ABI2: variants seen among roughly 807,000 people sequenced by gnomAD.
The protein encoded by ABI2 is abl interactor 2.
A neutral mutation model predicts 59.2 loss-of-function variants in ABI2; 25 were observed. The ratio of observed to expected loss-of-function variants is 0.42; its 90% CI spans 0.31 to 0.59. The LOEUF (loss-of-function observed/expected upper bound fraction) is 0.59. Among genes scored for constraint, ABI2 ranks in the 20% least tolerant of loss-of-function variants. The pLI is 0.14. For synonymous variants in ABI2, 213 were observed against 235.5 expected, an observed-to-expected ratio of 0.90 and a Z score of 0.87; for missense variants, 545 against 681.8, an observed-to-expected ratio of 0.80 and a Z score of 2.23.
chr2:203,370,914 T>A (rs2095115056), intron 2 of ABI2, among the ~76,000 whole-genome samples: 1 of 152,190 alleles, frequency 6.6e-6, no homozygotes, highest in Non-Finnish European at 1.5e-5. Flanking sequence ...TTTTCTCTAT[T>A]GCCTGGGTAA....
chr2:203,406,903 T>C (rs530041070), intron 9 of ABI2, among the ~76,000 whole-genome samples: 3 of 152,280 alleles, frequency 2.0e-5, no homozygotes, highest in African/African-American at 7.2e-5. Context: ...CCTCAAGTGA[T>C]CCAGTTCCAT....
At chr2:203,392,542 G>A (rs1232385102) in intron 5 of ABI2, among the ~76,000 whole-genome samples, 5 of 152,204 alleles carry the variant, frequency 3.3e-5, no homozygotes, top group Non-Finnish European at 7.3e-5. Context: ...CTTAGAGAGA[G>A]AGAAAATCTA....
chr2:203,331,692 C>G (rs1441107056), intron 1 of ABI2, among the ~76,000 whole-genome samples: 1 of 151,454 alleles, frequency 6.6e-6, no homozygotes, highest in Non-Finnish European at 1.5e-5. Context: ...ATGTCTTAGC[C>G]ACTAGCTCGA....
intron 5 of ABI2, among the ~76,000 whole-genome samples, chr2:203,392,625 G>A (rs888338494): frequency 6.6e-6 from 1 of 152,148 alleles, no homozygotes; most frequent in African/African-American, 2.4e-5. Flanking sequence ...GCCAGGGGTC[G>A]GGGTAGAGAG....
chr2:203,363,073 C>T (rs1017413152), intron 1 of ABI2, among the ~76,000 whole-genome samples: 16 of 152,076 alleles, frequency 1.1e-4, no homozygotes, highest in East Asian at 1.9e-4. Context: ...TCAAGTGATC[C>T]GCCTGCCTCG....
chr2:203,416,764 A>T, intron 10 of ABI2, 144 bp from the exon 11 acceptor site: 1 of 838,890 alleles, frequency 1.2e-6, no homozygotes, highest in Non-Finnish European at 1.7e-6. Flanking sequence ...TGGTGGGAAG[A>T]CTTATCTTGC....
At chr2:203,406,762 C>A (rs1464356353) in intron 9 of ABI2, among the ~76,000 whole-genome samples, 1 of 152,120 alleles carries the variant, frequency 6.6e-6, no homozygotes, top group Non-Finnish European at 1.5e-5. Context: ...CTCCTGGGTT[C>A]AAGCGATTCT....
chr2:203,337,870 A>C lies in ABI2; in HGVS notation c.117+9239A>C, dbSNP rs533869399. ...GCGTGGAGAAACCTCATCTCTACTA[A>C]AAATACAAAAATTATAGGGCATGCT... is the stretch of plus-strand genomic sequence containing the variant. On this transcript the variant is annotated intron_variant, in intron 1 of 11. Transcript: ENST00000261018. Among the ~76,000 whole-genome samples, 5 of 152,312 alleles carry C rather than the reference A, an allele frequency of 3.3e-5. No individual in the cohort carries two copies. In the South Asian group the frequency reaches 1.0e-3, roughly 32 times the overall value.
intron 2 of ABI2, among the ~76,000 whole-genome samples, chr2:203,373,975 A>G (rs927512229): frequency 6.6e-6 from 1 of 151,842 alleles, no homozygotes; most frequent in Non-Finnish European, 1.5e-5. Context: ...CCTAGCCAAC[A>G]TGGCAAAATT....
rs775475305 is a variant in ABI2, at chr2:203,351,710, A to C, written c.118-15167A>C. The C allele has an allele frequency of 1.0e-5, 3 of 299,968 alleles. No individual in the cohort carries two copies. The Admixed American group carries it at 1.4e-4, about 14-fold the overall frequency. 18.6% of individuals were successfully genotyped at this position (299,968 alleles called of 1,614,324 possible). A position where few individuals can be genotyped will look rare whatever the true frequency, so the allele number is the denominator to read the frequency against. Reference sequence around the variant, plus strand: ...GCTACTGTGCCCGGCTGATTTTCGTATTTTTTGTAGAGCCAGCATCTCACT... The same window carrying C: ...GCTACTGTGCCCGGCTGATTTTCGTCTTTTTTGTAGAGCCAGCATCTCACT... On this transcript the variant is annotated intron_variant, in intron 1 of 11. Transcript: ENST00000261018.
rs777548696 is a variant in ABI2, at chr2:203,394,712, CT to C, written c.592del (p.Tyr198IlefsTer32). ...GKGTLGRHSPYRTLEPVRPPV... is the reference protein window; with the variant it reads ...GKGTLGRHSPXRTLEPVRPPV... ...CTTCTTTTTGTAGGCGGCACTCCCC[CT>C]ATCGCACACTGGAGCCAGTGCGTCC... On this transcript the variant is annotated frameshift_variant, in exon 6 of 12. Coordinates refer to ENST00000261018, the MANE Select transcript of ABI2 (RefSeq NM_001375670.1). LOFTEE classifies it high-confidence loss of function. 8.7e-6 allele frequency: 14 copies of C among 1,614,006 alleles called. No individual in the cohort carries two copies. The highest frequency in any genetic ancestry group is 1.2e-5 in the Non-Finnish European group (14 of 1,179,990).
At chr2:203,397,027 C>T in intron 8 of ABI2, 60 bp downstream of exon 8, 1 of 1,301,562 alleles carries the variant, frequency 7.7e-7, no homozygotes, top group Non-Finnish European at 9.7e-7. Context: ...CTCTTACTTG[C>T]ACCTCTGATT....
chr2:203,376,955 ACT>A (rs1239898976), intron 2 of ABI2, among the ~76,000 whole-genome samples: 2 of 152,182 alleles, frequency 1.3e-5, no homozygotes, highest in Non-Finnish European at 2.9e-5. Flanking sequence ...ATAAAATATT[ACT>A]GTGTGTTAGT....
chr2:203,355,370 G>A (rs2091358579), intron 1 of ABI2: 1 of 204,352 alleles, frequency 4.9e-6, no homozygotes, highest in Admixed American at 4.5e-5. Context: ...AAATTAGCCA[G>A]GCGTGGTGGT....
chr2:203,355,523 A>G (rs1307422598), intron 1 of ABI2, among the ~76,000 whole-genome samples: 6 of 151,206 alleles, frequency 4.0e-5, no homozygotes, highest in Admixed American at 2.6e-4. Context: ...ACAAAAGAAA[A>G]CAACAAAAAA....
intron 1 of ABI2, among the ~76,000 whole-genome samples, chr2:203,341,872 G>A (rs565901059): frequency 1.3e-5 from 2 of 152,292 alleles, no homozygotes; most frequent in African/African-American, 2.4e-5. Context: ...GTGCTTTAGG[G>A]TTAAGCAGTT....
At position 203,339,007 on chromosome 2, in the gene ABI2, T is replaced by A. The variant is rs544771678; in HGVS notation, c.117+10376T>A. Among the ~76,000 whole-genome samples the A allele has an allele frequency of 1.4e-3, 138 of 99,206 alleles. 3 individuals are homozygous for A. The highest frequency in any genetic ancestry group is 6.0e-3 in the African/African-American group (133 of 22,290). The allele number at this position is 99,206 out of a possible 152,430, so 65.1% of individuals were successfully genotyped here. On this transcript the variant is annotated intron_variant, in intron 1 of 11. Coordinates refer to ENST00000261018, the MANE Select transcript of ABI2 (RefSeq NM_001375670.1). ...AAATATATATATATATATATATATA[T>A]AAAGGATTCATACAACTTAATAGCA... is the stretch of plus-strand genomic sequence containing the variant.
chr2:203,339,382 C>G (rs1442203536), intron 1 of ABI2, among the ~76,000 whole-genome samples: 1 of 151,738 alleles, frequency 6.6e-6, no homozygotes, highest in Non-Finnish European at 1.5e-5. Context: ...GAGTTGAAGA[C>G]CAGCCTGGCC....
intron 1 of ABI2, among the ~76,000 whole-genome samples, chr2:203,338,937 TATATATATATATATATATATATATAA>T (rs2077879429): frequency 4.0e-4 from 1 of 2,508 alleles, no homozygotes; most frequent in African/African-American, 7.7e-4. Context: ...TGTATATGTA[TATATATATATATATATATATATATAA>T]ATATATATAT....
Sources: gnomAD v4.1 joint callset for allele counts (sites outside exome capture counted in the v4.1 genomes callset) on GRCh38, gnomAD v4.1.1 for gene constraint, MANE v1.5 for transcripts, NCBI Gene and HGNC (gene_info 2026-07-23, HGNC 2026-07-21) for gene names.